The following NOP9 variants were observed in gnomAD, a reference collection of about 807,000 sequenced individuals.
NOP9 encodes nucleolar protein 9.
NOP9 carries 50 observed loss-of-function variants against 63.0 expected under a neutral mutation model. The ratio of observed to expected loss-of-function variants is 0.79; its 90% confidence interval spans 0.63 to 1.00. The LOEUF (loss-of-function observed/expected upper bound fraction) is 1.00, where lower values mean the gene tolerates loss of function less well. Among genes scored for constraint, NOP9 ranks in the 50% least tolerant of loss-of-function variants. The pLI is 0.00. For synonymous variants in NOP9, 343 were observed against 332.8 expected, an observed-to-expected ratio of 1.03 and a Z score of -0.33; for missense variants, 758 against 803.0, an observed-to-expected ratio of 0.94 and a Z score of 0.68.
the NOP9 span, among the ~76,000 whole-genome samples, chr14:24,279,495 GA>G: frequency 6.6e-6 from 1 of 152,216 alleles, no homozygotes; most frequent in African/African-American, 2.4e-5. Context: ...TGCCCTAAAA[GA>G]CAGAAGGGCC....
At position 24,302,427 on chromosome 14, in the gene NOP9, G is replaced by A; in HGVS notation, c.1143+3G>A. 6 of 1,603,790 alleles carry A rather than the reference G, an allele frequency of 3.7e-6. No individual in the cohort carries two copies. Among genetic ancestry groups the A allele is most frequent in the Non-Finnish European group, 5.1e-6 (6 of 1,172,688 alleles). ...ATGCAGTCACTACCCCTGAGCTGGT[G>A]AGTTGGAAACCTGAGCTGGATCTGT... On this transcript the variant is annotated splice_donor_region_variant and intron_variant, in intron 5 of 9. Coordinates refer to ENST00000267425, the MANE Select transcript of NOP9 (RefSeq NM_174913.3).
chr14:24,290,673 A>G, the NOP9 span: 36 of 623,164 alleles, frequency 5.8e-5, no homozygotes, highest in Middle Eastern at 4.4e-4. Context: ...AAGAAGGACA[A>G]GGAAAACCAA....
rs2041378303 is a variant in NOP9, at chr14:24,301,639, G to A, written c.725G>A (p.Cys242Tyr). The A allele has an allele frequency of 1.2e-6, 2 of 1,614,170 alleles. No individual in the cohort carries two copies. Among genetic ancestry groups the A allele is most frequent in the African/African-American group, 1.3e-5 (1 of 75,048 alleles). The change falls in exon 3 of 10, where the codon TGT (cysteine) becomes TAT (tyrosine). Residue 242 changes from cysteine to tyrosine, a missense_variant. By Grantham distance (194) the Cys-to-Tyr change is radical. Coordinates refer to ENST00000267425, the MANE Select transcript of NOP9 (RefSeq NM_174913.3). ...SEAQKTPAQE[C>Y]KPADFEVPET... Reference sequence around the variant, plus strand: ...GCACAGAAGACCCCAGCTCAGGAATGTAAGCCAGCTGATTTTGAAGTCCCT... The same window carrying A: ...GCACAGAAGACCCCAGCTCAGGAATATAAGCCAGCTGATTTTGAAGTCCCT...
At chr14:24,300,912 A>G (rs1459039374) in intron 2 of NOP9, 55 bp downstream of exon 2, 7 of 1,382,004 alleles carry the variant, frequency 5.1e-6, no homozygotes, top group Non-Finnish European at 7.0e-6. Flanking sequence ...TAGAAAGTTC[A>G]GAATGAGACA....
chr14:24,305,754 C>A lies in NOP9; in HGVS notation c.*659C>A, dbSNP rs368449983. The A allele has an allele frequency of 1.9e-6, 3 of 1,613,186 alleles. No individual in the cohort carries two copies. The African/African-American group carries it at 4.0e-5, about 22-fold the overall frequency. ...GCCTTGCAGCAGTGTGGAGGTCCAA[C>A]GAAGGAGCTCCCTGAATGGCAGAGA... On this transcript the variant is annotated 3_prime_UTR_variant, in exon 10 of 10. Transcript: ENST00000267425.
At chr14:24,292,431 TCCCAGGAGC>T in the NOP9 span, 1 of 1,544,566 alleles carries the variant, frequency 6.5e-7, no homozygotes, top group Non-Finnish European at 8.8e-7. Context: ...ACCCTGTCCT[TCCCAGGAGC>T]CCCAAGGTCT....
At chr14:24,299,797 C>T (rs2041331641), upstream of NOP9, 2 of 973,772 alleles carry the variant, frequency 2.1e-6, no homozygotes, top group Non-Finnish European at 1.5e-6. Context: ...CACACCCACC[C>T]CGCCCGGCTG....
At chr14:24,292,484 C>T in the NOP9 span, 664,711 of 1,477,394 alleles carry the variant, frequency 0.45, 161,235 homozygotes, top group Middle Eastern at 0.51. Context: ...GATGCCTACT[C>T]TAGCCAACCA....
chr14:24,302,488 G>A, intron 5 of NOP9, 64 bp downstream of exon 5: 1 of 1,472,940 alleles, frequency 6.8e-7, no homozygotes, highest in South Asian at 1.2e-5. Context: ...CTTATTTTAT[G>A]GTCTGTCTGC....
Position 24,306,513 on chromosome 14 carries a change from G to GC in NOP9, c.*1418_*1419insC. On this transcript the variant is annotated 3_prime_UTR_variant, in exon 10 of 10. Coordinates refer to ENST00000267425, the MANE Select transcript of NOP9 (RefSeq NM_174913.3). Reference sequence around the variant, plus strand: ...GGTTAGCACTCCATTCAGCAGTAGGGTCTCCAATGCCTGCCCAATGGCAAG... The same window carrying GC: ...GGTTAGCACTCCATTCAGCAGTAGGGCTCTCCAATGCCTGCCCAATGGCAAG... 1 of 1,614,236 alleles carries GC rather than the reference G, an allele frequency of 6.2e-7. No homozygotes were observed.
chr14:24,305,182 A>C lies in NOP9; in HGVS notation c.*87A>C. 1 of 1,243,592 alleles carries C rather than the reference A, an allele frequency of 8.0e-7. No homozygotes were observed. Among genetic ancestry groups the C allele is most frequent in the Non-Finnish European group, 1.1e-6 (1 of 941,820 alleles). 77.0% of individuals were successfully genotyped at this position (1,243,592 alleles called of 1,614,324 possible). On this transcript the variant is annotated 3_prime_UTR_variant, in exon 10 of 10. Transcript: ENST00000267425. ...CTTTCCTGGTTTAAATTGGAGTCAG[A>C]AGTCTTAGTGGTAAATATTTGATAT... is the stretch of plus-strand genomic sequence containing the variant.
At chr14:24,299,254 G>A (rs1178070613), upstream of NOP9, 9 of 920,502 alleles carry the variant, frequency 9.8e-6, no homozygotes, top group East Asian at 8.1e-5. Context: ...AATCCTTTGA[G>A]GGGAGAGGAG....
At chr14:24,303,686 G>A (rs1322031183) in intron 6 of NOP9, 46 bp from the exon 7 acceptor site, 1 of 1,595,396 alleles carries the variant, frequency 6.3e-7, no homozygotes, top group Non-Finnish European at 8.6e-7. Flanking sequence ...TTGAGGTAAG[G>A]GACGGAGAAG....
At chr14:24,292,301 G>A in the NOP9 span, 28 of 1,613,912 alleles carry the variant, frequency 1.7e-5, no homozygotes, top group Admixed American at 2.0e-4. Context: ...GCCGCAGCTC[G>A]TGGGCACAGT....
chr14:24,288,099 T>TA, the NOP9 span, among the ~76,000 whole-genome samples: 1 of 152,214 alleles, frequency 6.6e-6, no homozygotes, highest in Non-Finnish European at 1.5e-5. Flanking sequence ...TGAATAGCAC[T>TA]ATTCCTTCTG....
intron 4 of NOP9, 43 bp from the exon 5 acceptor site, chr14:24,302,189 A>G (rs1447366734): frequency 6.2e-7 from 1 of 1,600,696 alleles, no homozygotes; most frequent in Non-Finnish European, 8.5e-7. Context: ...TGTATTTTGC[A>G]TGAAATGGAG....
chr14:24,306,218 T>TC lies in NOP9; in HGVS notation c.*1126dup. On this transcript the variant is annotated 3_prime_UTR_variant, in exon 10 of 10. Coordinates refer to ENST00000267425, the MANE Select transcript of NOP9 (RefSeq NM_174913.3). ...TCTCCATCAGCACTGGGTCAGACCC[T>TC]CCCTCGCTTGGACTTTCTGTCCACT... The TC allele has an allele frequency of 2.6e-6, 4 of 1,536,164 alleles. No homozygotes were observed. Among genetic ancestry groups the TC allele is most frequent in the Non-Finnish European group, 3.6e-6 (4 of 1,121,436 alleles).
the NOP9 span, among the ~76,000 whole-genome samples, chr14:24,272,789 C>G: frequency 6.6e-6 from 1 of 152,188 alleles, no homozygotes; most frequent in African/African-American, 2.4e-5. Flanking sequence ...CTTGCAGTTT[C>G]CTAAATATGT....
the NOP9 span, among the ~76,000 whole-genome samples, chr14:24,285,249 C>T: frequency 1.3e-5 from 2 of 152,184 alleles, no homozygotes; most frequent in African/African-American, 4.8e-5. Context: ...CCAGGCCGCT[C>T]AGGCTGGTCT....
Sources: gnomAD v4.1 joint callset for allele counts (sites outside exome capture counted in the v4.1 genomes callset) on GRCh38, gnomAD v4.1.1 for gene constraint, MANE v1.5 for transcripts, NCBI Gene and HGNC (gene_info 2026-07-23, HGNC 2026-07-21) for gene names.